PSMG4: variants seen among roughly 807,000 people sequenced by gnomAD.
The protein encoded by PSMG4 is proteasome (prosome, macropain) assembly chaperone 4.
In PSMG4, 10 loss-of-function variants were observed where a neutral mutation model predicts 11.0. The ratio of observed to expected loss-of-function variants is 0.91; its 90% CI spans 0.56 to 1.54. The LOEUF (loss-of-function observed/expected upper bound fraction) is 1.54. Among genes scored for constraint, PSMG4 ranks in the 40% most tolerant of loss-of-function variants. The pLI, the probability that PSMG4 is intolerant of heterozygous loss-of-function variation, is 0.00. For synonymous variants in PSMG4, 95 were observed against 71.3 expected, an observed-to-expected ratio of 1.33 and a Z score of -1.68; for missense variants, 198 against 160.9, an observed-to-expected ratio of 1.23 and a Z score of -1.25.
chr6:3,264,375 G>C, intron 2 of PSMG4: 1 of 1,529,448 alleles, frequency 6.5e-7, no homozygotes, highest in African/African-American at 1.4e-5. Flanking sequence ...CCTGTGGCCA[G>C]TGTGCACAGG....
intron 1 of PSMG4, 104 bp downstream of exon 1, chr6:3,259,300 G>A (rs1757878212): frequency 1.9e-6 from 2 of 1,060,892 alleles, no homozygotes; most frequent in Non-Finnish European, 2.4e-6. Flanking sequence ...TCCACAGGGC[G>A]CCCTACTCCC....
upstream of PSMG4, among the ~76,000 whole-genome samples, chr6:3,254,682 A>T (rs1033493444): frequency 1.3e-5 from 2 of 152,038 alleles, no homozygotes; most frequent in Non-Finnish European, 2.9e-5. Context: ...AAACCACTAA[A>T]CTCAACAGAA....
At chr6:3,257,988 CT>C (rs1382703422), upstream of PSMG4, among the ~76,000 whole-genome samples, 1 of 152,216 alleles carries the variant, frequency 6.6e-6, no homozygotes, top group African/African-American at 2.4e-5. Context: ...CAACTTAGAT[CT>C]ATTAGAGATT....
In PSMG4 at chr6:3,259,203, G is replaced by T; in HGVS notation, c.174+7G>T. The T allele has an allele frequency of 7.8e-7, 1 of 1,289,094 alleles. No individual in the cohort carries two copies. Among genetic ancestry groups the T allele is most frequent in the Non-Finnish European group, 9.8e-7 (1 of 1,019,702 alleles). 79.9% of individuals were successfully genotyped at this position (1,289,094 alleles called of 1,614,324 possible). On this transcript the variant is annotated splice_region_variant and intron_variant, in intron 1 of 2. Transcript: ENST00000438998. ...GGCCATGTGCAGCCGCTACGTGAGT[G>T]CCTGGCGGCCGAGGGTGCGGGCGGC...
At chr6:3,260,291 A>ATATATATATATATATTTTTTTTTTTT in intron 1 of PSMG4, among the ~76,000 whole-genome samples, 2 of 70,840 alleles carry the variant, frequency 2.8e-5, no homozygotes, top group African/African-American at 1.1e-4. Flanking sequence ...ATATATATAT[A>ATATATATATATATATTTTTTTTTTTT]TTTTTTTTTT....
chr6:3,254,639 T>G (rs566045254), upstream of PSMG4, among the ~76,000 whole-genome samples: 2 of 152,160 alleles, frequency 1.3e-5, no homozygotes, highest in African/African-American at 2.4e-5. Context: ...ACACTGATTG[T>G]GAAGGCCTAC....
At chr6:3,265,550 TA>T (rs1758150098) in intron 2 of PSMG4, 1 of 152,130 alleles carries the variant, frequency 6.6e-6, no homozygotes, top group African/African-American at 2.4e-5. Flanking sequence ...GGGGCCCCCT[TA>T]GGGTAAAGGG....
chr6:3,260,291 A>ATATTTTTTTTTTTTTTTTTTTTT, intron 1 of PSMG4, among the ~76,000 whole-genome samples: 1 of 70,842 alleles, frequency 1.4e-5, no homozygotes, highest in African/African-American at 5.5e-5. Context: ...ATATATATAT[A>ATATTTTTTTTTTTTTTTTTTTTT]TTTTTTTTTT....
At chr6:3,255,199 T>C (rs1757717001), upstream of PSMG4, 2 of 1,550,238 alleles carry the variant, frequency 1.3e-6, no homozygotes, top group Admixed American at 2.0e-5. Flanking sequence ...AAGTAGGATG[T>C]TTGGTGGCAG....
At chr6:3,258,442 C>A (rs1309574742), upstream of PSMG4, among the ~76,000 whole-genome samples, 1 of 152,206 alleles carries the variant, frequency 6.6e-6, no homozygotes, top group Non-Finnish European at 1.5e-5. Flanking sequence ...TTAATTAGGG[C>A]TGGGTGCCGT....
upstream of PSMG4, among the ~76,000 whole-genome samples, chr6:3,254,473 A>G (rs984832114): frequency 2.4e-4 from 36 of 151,634 alleles, no homozygotes; most frequent in East Asian, 3.9e-4. Flanking sequence ...GTCTTTTTAG[A>G]TAAATATTGT....
At chr6:3,254,558 C>CA (rs1757673065), upstream of PSMG4, among the ~76,000 whole-genome samples, 1 of 151,692 alleles carries the variant, frequency 6.6e-6, no homozygotes, top group Non-Finnish European at 1.5e-5. Context: ...GATTTGTTCT[C>CA]GGGGTTTGTG....
chr6:3,257,671 A>G (rs1008701256), upstream of PSMG4, among the ~76,000 whole-genome samples: 2 of 152,198 alleles, frequency 1.3e-5, no homozygotes, highest in Non-Finnish European at 2.9e-5. Context: ...GATTCCACTG[A>G]TACAAAACTC....
upstream of PSMG4, chr6:3,258,815 G>A (rs2127255689): frequency 4.9e-6 from 2 of 406,242 alleles, no homozygotes; most frequent in Non-Finnish European, 4.2e-6. Flanking sequence ...CAGCTACTCC[G>A]CCCAGGGCCG....
At chr6:3,257,083 A>AG (rs905610671), upstream of PSMG4, among the ~76,000 whole-genome samples, 2 of 152,216 alleles carry the variant, frequency 1.3e-5, no homozygotes, top group African/African-American at 4.8e-5. Flanking sequence ...GGTCCAATGA[A>AG]GATAAGCATT....
At chr6:3,257,010 CTT>C (rs1757789694), upstream of PSMG4, among the ~76,000 whole-genome samples, 1 of 152,158 alleles carries the variant, frequency 6.6e-6, no homozygotes. Context: ...ATGGATTGAC[CTT>C]CTGTACAAGG....
intron 1 of PSMG4, among the ~76,000 whole-genome samples, chr6:3,262,573 G>T (rs1758030344): frequency 6.7e-6 from 1 of 149,304 alleles, no homozygotes. Flanking sequence ...AGCGCCTGTG[G>T]TCTCTGCCCT....
upstream of PSMG4, among the ~76,000 whole-genome samples, chr6:3,254,493 T>C (rs556260607): frequency 2.0e-4 from 31 of 152,006 alleles, no homozygotes; most frequent in Middle Eastern, 6.8e-3. Flanking sequence ...TTGCTGGTGG[T>C]TTTTTGTGTA....
Position 3,259,115 on chromosome 6 carries a change from G to T in PSMG4, c.93G>T (p.Met31Ile). The part of the protein sequence containing the change: ...LWEQLVHFHV[M>I]RLTDSLFLWV... ...AGCAGCTGGTCCACTTCCACGTCAT[G>T]CGGCTGACGGACTCGCTGTTCCTGT... The change falls in exon 1 of 3, where the codon ATG becomes ATT. Residue 31 changes from methionine (M) to isoleucine (I), a missense_variant. Physicochemically the swap from Met to Ile is conservative, Grantham distance 10. Coordinates refer to ENST00000438998, the MANE Select transcript of PSMG4 (RefSeq NM_001128591.2). The T allele has an allele frequency of 2.3e-6, 3 of 1,280,766 alleles. No homozygotes were observed. The highest frequency in any genetic ancestry group is 1.5e-5 in the African/African-American group (1 of 64,808). 79.3% of individuals were successfully genotyped at this position (1,280,766 alleles called of 1,614,324 possible).
Sources: allele counts gnomAD v4.1 joint callset (sites outside exome capture counted in the v4.1 genomes callset), GRCh38; gene constraint gnomAD v4.1.1; transcripts MANE v1.5; gene names NCBI Gene and HGNC (gene_info 2026-07-23, HGNC 2026-07-21).